Variants in AFDN observed in about 807,000 individuals in gnomAD.
The protein encoded by AFDN is afadin, adherens junction formation factor.
AFDN carries 68 observed loss-of-function variants against 216.6 expected under a neutral mutation model. That is an observed-to-expected ratio of 0.31 (90% CI 0.26 to 0.38). The LOEUF (loss-of-function observed/expected upper bound fraction) is 0.38, where lower values mean the gene tolerates loss of function less well. AFDN is among the 10% of genes least tolerant of loss of function. The probability of loss-of-function intolerance (pLI) is 1.00; values close to 1 mark genes in which losing one functional copy is unlikely to be tolerated. For synonymous variants in AFDN, 868 were observed against 853.7 expected (o/e 1.02, Z -0.29); for missense variants, 2,136 against 2,342.0 (o/e 0.91, Z 1.82).
chr6:167,866,352 C>G (rs1030255638), intron 2 of AFDN, among the ~76,000 whole-genome samples: 1 of 152,134 alleles, frequency 6.6e-6, no homozygotes, highest in African/African-American at 2.4e-5. Context: ...ACCAGTGCCT[C>G]AGGTATGAGG....
At chr6:167,872,984 C>A (rs187172523) in intron 4 of AFDN, among the ~76,000 whole-genome samples, 1 of 152,286 alleles carries the variant, frequency 6.6e-6, no homozygotes, top group East Asian at 1.9e-4. Context: ...TAGACTTTCC[C>A]CTTAATGTGG....
At chr6:167,898,149 G>C in intron 10 of AFDN, 56 bp from the exon 11 acceptor site, 1 of 1,591,698 alleles carries the variant, frequency 6.3e-7, no homozygotes, top group African/African-American at 1.3e-5. Flanking sequence ...AACATTCTGT[G>C]TTTAAATGCT....
At chr6:167,878,605 C>G (rs1430642086) in intron 5 of AFDN, among the ~76,000 whole-genome samples, 1 of 141,220 alleles carries the variant, frequency 7.1e-6, no homozygotes, top group Non-Finnish European at 1.6e-5. Context: ...CTCTCTCTCT[C>G]TGTCTCTCTC....
intron 21 of AFDN, 53 bp downstream of exon 21, chr6:167,918,986 A>G: frequency 6.8e-7 from 1 of 1,465,726 alleles, no homozygotes; most frequent in Admixed American, 1.9e-5. Flanking sequence ...TGAAGCGAGC[A>G]TTTTATTCAT....
rs1163805100 is a variant in AFDN, at chr6:167,864,231, G to A, written c.106-320G>A. Reference sequence around the variant, plus strand: ...GTTAAATAATAGTATCTGTTGAGCTGCATTCTTATAAATATTGAGTGTCAT... The same window carrying A: ...GTTAAATAATAGTATCTGTTGAGCTACATTCTTATAAATATTGAGTGTCAT... On this transcript the variant is annotated intron_variant, in intron 1 of 33. Coordinates refer to ENST00000683244, the MANE Select transcript of AFDN (RefSeq NM_001386888.1). 6 of 557,762 alleles carry A rather than the reference G, an allele frequency of 1.1e-5. No individual in the cohort carries two copies. The East Asian group carries it at 2.8e-4, about 26-fold the overall frequency. 34.6% of individuals were successfully genotyped at this position (557,762 alleles called of 1,614,324 possible).
chr6:167,948,807 G>T (rs950611010), intron 29 of AFDN, among the ~76,000 whole-genome samples: 1 of 152,226 alleles, frequency 6.6e-6, no homozygotes, highest in Non-Finnish European at 1.5e-5. Context: ...CTGCCTGTGG[G>T]AGCTCATGGT....
At chr6:167,924,259 C>T (rs1376861558) in intron 22 of AFDN, among the ~76,000 whole-genome samples, 3 of 152,294 alleles carry the variant, frequency 2.0e-5, no homozygotes, top group Non-Finnish European at 2.9e-5. Context: ...TTAAGTTCCT[C>T]CTTAGTGTGT....
In AFDN at chr6:167,962,697, CA is replaced by C. The variant is rs1294977598; in HGVS notation, c.4968+131del. ...GAGGCAGAGCAGGGCCTGGCTCCCC[CA>C]GCTTTGTGATTGGACCTGCAACTTT... On this transcript the variant is annotated intron_variant, in intron 31 of 33. Coordinates refer to ENST00000683244, the MANE Select transcript of AFDN (RefSeq NM_001386888.1). The surrounding 1 kb of genome is among the most constrained non-coding windows in gnomAD (Gnocchi z 5.2). 43 of 1,545,310 alleles carry C rather than the reference CA, an allele frequency of 2.8e-5. No homozygotes were observed. The East Asian group carries it at 7.5e-4, about 27-fold the overall frequency.
At chr6:167,920,829 T>A (rs1791698553) in intron 21 of AFDN, among the ~76,000 whole-genome samples, 1 of 152,212 alleles carries the variant, frequency 6.6e-6, no homozygotes, top group Non-Finnish European at 1.5e-5. Context: ...CTTATTTTCT[T>A]AATTCTAATC....
chr6:167,956,476 A>G (rs1796531770), intron 30 of AFDN, among the ~76,000 whole-genome samples: 1 of 152,088 alleles, frequency 6.6e-6, no homozygotes, highest in Non-Finnish European at 1.5e-5. Context: ...CTCTGTGCTC[A>G]CTTCCGACCT....
Position 167,880,810 on chromosome 6 carries a change from C to T in AFDN, c.897+293C>T, listed in dbSNP as rs573459330. ...TGTGGTTCTTATTCTGGTCTCTTTTCTGTTCCATTGATACATATGTCTATC... is the reference window on the plus strand; with the variant it reads ...TGTGGTTCTTATTCTGGTCTCTTTTTTGTTCCATTGATACATATGTCTATC... On this transcript the variant is annotated intron_variant, in intron 6 of 33. Coordinates refer to ENST00000683244, the MANE Select transcript of AFDN (RefSeq NM_001386888.1). 2.6e-5 allele frequency among the ~76,000 whole-genome samples: 4 copies of T among 152,278 alleles called. No homozygotes were observed. In the East Asian group the frequency reaches 7.7e-4, roughly 29 times the overall value.
rs141204928 is a variant in AFDN at position 167,969,457 on chromosome 6, C to T, written c.5342+259C>T. 1.4e-3 allele frequency among the ~76,000 whole-genome samples: 206 copies of T among 152,248 alleles called. 1 individual carries two copies. The highest frequency in any genetic ancestry group is 4.7e-3 in the African/African-American group (196 of 41,544). ...ATGCCTCTCAGGTACATGTAAGATGCCTTAAAATGCTGTATTTTAAAACTG... is the reference window on the plus strand; with the variant it reads ...ATGCCTCTCAGGTACATGTAAGATGTCTTAAAATGCTGTATTTTAAAACTG... On this transcript the variant is annotated intron_variant, in intron 33 of 33. Transcript: ENST00000683244.
chr6:167,896,632 G>A (rs901349919), intron 9 of AFDN, among the ~76,000 whole-genome samples: 23 of 152,190 alleles, frequency 1.5e-4, no homozygotes, highest in African/African-American at 5.3e-4. Flanking sequence ...AATGTAATAA[G>A]AATGTGGTGG....
intron 31 of AFDN, chr6:167,965,238 C>A: frequency 4.1e-6 from 1 of 242,600 alleles, no homozygotes; most frequent in Non-Finnish European, 6.6e-6. Context: ...CCTCCTTGTC[C>A]AGGAAGGACT....
chr6:167,846,746 A>T (rs1781735638), intron 1 of AFDN, among the ~76,000 whole-genome samples: 1 of 148,960 alleles, frequency 6.7e-6, no homozygotes, highest in Non-Finnish European at 1.5e-5. Context: ...ATCTTAGAGA[A>T]TCTTCTATGA....
At chr6:167,918,613 T>G in intron 20 of AFDN, 122 bp from the exon 21 acceptor site, 2 of 856,962 alleles carry the variant, frequency 2.3e-6, no homozygotes, top group Non-Finnish European at 3.8e-6. Context: ...TCTGTCTGTG[T>G]GTGTGTGTGT....
chr6:167,952,968 A>G (rs1213593444), intron 30 of AFDN, among the ~76,000 whole-genome samples: 1 of 152,276 alleles, frequency 6.6e-6, no homozygotes, highest in Non-Finnish European at 1.5e-5. Flanking sequence ...TTAACACAAT[A>G]AATTGTGATG....
At chr6:167,864,852 T>C (rs749466293) in intron 2 of AFDN, 106 bp downstream of exon 2, 2 of 1,158,268 alleles carry the variant, frequency 1.7e-6, no homozygotes, top group Non-Finnish European at 2.6e-6. Flanking sequence ...CGTCTCCATC[T>C]TTCTTCTCTT....
intron 5 of AFDN, among the ~76,000 whole-genome samples, chr6:167,875,912 G>A (rs911602498): frequency 4.6e-5 from 7 of 152,110 alleles, no homozygotes; most frequent in South Asian, 4.2e-4. Context: ...TTTCCTGAAG[G>A]ATAAAGATTC....
Sources: gnomAD v4.1 joint callset for allele counts (sites outside exome capture counted in the v4.1 genomes callset) on GRCh38, gnomAD v4.1.1 for gene constraint, Gnocchi (gnomAD v3.1) non-coding constraint, MANE v1.5 for transcripts, NCBI Gene and HGNC (gene_info 2026-07-23, HGNC 2026-07-21) for gene names.